Variants in KCNAB1 observed in about 807,000 individuals in gnomAD.
The protein encoded by KCNAB1 is voltage-gated potassium channel subunit beta-1.
A neutral mutation model predicts 64.6 loss-of-function variants in KCNAB1; 35 were observed. That is an observed-to-expected ratio of 0.54 (90% CI 0.41 to 0.72). The LOEUF (loss-of-function observed/expected upper bound fraction) is 0.72, where lower values mean the gene tolerates loss of function less well. KCNAB1 is among the 30% of genes least tolerant of loss of function. KCNAB1 has a pLI of 0.00. For missense variants in KCNAB1, 401 were observed against 512.9 expected (o/e 0.78, Z 2.11); for synonymous variants, 177 against 183.8 (o/e 0.96, Z 0.30).
intron 2 of KCNAB1, among the ~76,000 whole-genome samples, chr3:156,450,913 T>C (rs561385582): frequency 4.0e-5 from 6 of 150,106 alleles, no homozygotes; most frequent in African/African-American, 1.2e-4. Flanking sequence ...ATAATAATTG[T>C]TTTTTAGGAG....
intron 1 of KCNAB1, among the ~76,000 whole-genome samples, chr3:156,372,153 C>A (rs189535157): frequency 2.4e-4 from 37 of 152,244 alleles, no homozygotes; most frequent in Non-Finnish European, 1.5e-5. Flanking sequence ...AGATTGGATA[C>A]AACATACTGT....
Position 156,479,787 on chromosome 3 carries a change from C to G in KCNAB1, c.658+4967C>G, listed in dbSNP as rs78873140. On this transcript the variant is annotated intron_variant, in intron 8 of 13. Coordinates refer to ENST00000490337, the MANE Select transcript of KCNAB1 (RefSeq NM_172160.3). ...CCAGTTATTAATTTTTTCCTGCCAG[C>G]AGATCAGCACAGACATAAAGCAGCC... Among the ~76,000 whole-genome samples, 213 of 152,168 alleles carry G rather than the reference C, an allele frequency of 1.4e-3. 1 individual carries two copies. Among genetic ancestry groups the G allele is most frequent in the Middle Eastern group, 6.8e-3 (2 of 294 alleles).
intron 1 of KCNAB1, among the ~76,000 whole-genome samples, chr3:156,123,808 G>A (rs1302486747): frequency 6.6e-6 from 1 of 152,084 alleles, no homozygotes; most frequent in African/African-American, 2.4e-5. Context: ...CTGTGGGCAT[G>A]TTTTTTAAAA....
chr3:156,145,361 G>A (rs1167857126), intron 1 of KCNAB1, among the ~76,000 whole-genome samples: 1 of 152,138 alleles, frequency 6.6e-6, no homozygotes, highest in Admixed American at 6.5e-5. Context: ...TTAGTGCTCT[G>A]TTTATTCTCC....
upstream of KCNAB1, chr3:156,120,465 C>G (rs1306769513): frequency 7.7e-6 from 7 of 907,464 alleles, no homozygotes; most frequent in Non-Finnish European, 1.2e-5. Context: ...TCCCAAGCCA[C>G]AGACTGGGCT....
intron 2 of KCNAB1, among the ~76,000 whole-genome samples, chr3:156,428,070 G>A (rs1023093239): frequency 1.3e-5 from 2 of 152,176 alleles, no homozygotes; most frequent in Admixed American, 6.5e-5. Flanking sequence ...TTAATTTGAT[G>A]TGTCAACTTG....
chr3:156,452,853 T>C lies in KCNAB1; in HGVS notation c.320-46T>C. ...GAATTTCCCTTATTACGCACAATAT[T>C]AGAAAAATGATGATGAATAATATGC... is the stretch of plus-strand genomic sequence containing the variant. On this transcript the variant is annotated intron_variant, in intron 2 of 13. Coordinates refer to ENST00000490337, the MANE Select transcript of KCNAB1 (RefSeq NM_172160.3). This position sits in a 1 kb window ranked among gnomAD's most constrained non-coding sequence, Gnocchi z 4.6. 7.0e-7 allele frequency: 1 copy of C among 1,429,232 alleles called. No individual in the cohort carries two copies. Among genetic ancestry groups the C allele is most frequent in the East Asian group, 2.3e-5 (1 of 43,468 alleles). The allele number at this position is 1,429,232 out of a possible 1,614,324, so 88.5% of individuals were successfully genotyped here.
intron 10 of KCNAB1, 24 bp from the exon 11 acceptor site, chr3:156,516,246 C>G: frequency 4.4e-6 from 7 of 1,585,520 alleles, no homozygotes; most frequent in Non-Finnish European, 6.1e-6. Flanking sequence ...GCACAAGCAA[C>G]TTTCTAAGTT....
rs74419965 is a variant in KCNAB1, at chr3:156,533,994, A to T, written c.1170+2497A>T. ...CCTCCCTAGCAAGGCTTTGGCTGGC[A>T]GCAGGATGAGGCTTTGCCTATCCTA... On this transcript the variant is annotated intron_variant, in intron 13 of 13. Transcript: ENST00000490337. 5.1e-3 allele frequency among the ~76,000 whole-genome samples: 782 copies of T among 152,350 alleles called. 7 individuals carry two copies. The highest frequency in any genetic ancestry group is 0.018 in the African/African-American group (740 of 41,582).
At chr3:156,273,057 T>A (rs1191077742) in intron 1 of KCNAB1, among the ~76,000 whole-genome samples, 2 of 151,472 alleles carry the variant, frequency 1.3e-5, no homozygotes, top group Admixed American at 6.6e-5. Flanking sequence ...CTGCCCTATC[T>A]ACCATGGCCG....
intron 1 of KCNAB1, among the ~76,000 whole-genome samples, chr3:156,224,206 G>A (rs948009588): frequency 6.6e-6 from 1 of 152,252 alleles, no homozygotes; most frequent in African/African-American, 2.4e-5. Flanking sequence ...GGGCCAGCCA[G>A]CCGGCCGCTC....
intron 1 of KCNAB1, among the ~76,000 whole-genome samples, chr3:156,234,042 G>A (rs1244719649): frequency 6.6e-6 from 1 of 151,936 alleles, no homozygotes; most frequent in Non-Finnish European, 1.5e-5. Context: ...AAATGAGGGA[G>A]GCATCAGCTC....
chr3:156,393,545 A>G (rs553101160), intron 1 of KCNAB1, among the ~76,000 whole-genome samples: 23 of 152,280 alleles, frequency 1.5e-4, no homozygotes, highest in African/African-American at 5.5e-4. Flanking sequence ...TATAATGATT[A>G]TATCAAGTCA....
Position 156,463,656 on chromosome 3 carries a change from C to T in KCNAB1, c.483-46C>T, listed in dbSNP as rs762249317. The T allele has an allele frequency of 9.1e-6, 13 of 1,425,324 alleles. No individual in the cohort carries two copies. In the South Asian group the frequency reaches 1.3e-4, roughly 15 times the overall value. The allele number at this position is 1,425,324 out of a possible 1,614,324, so 88.3% of individuals were successfully genotyped here. ...TAATAATATGACTCGGTACAATAACCTGCATTTATTTACTACTTCTCTGTG... is the reference window on the plus strand; with the variant it reads ...TAATAATATGACTCGGTACAATAACTTGCATTTATTTACTACTTCTCTGTG... On this transcript the variant is annotated intron_variant, in intron 5 of 13. Coordinates refer to ENST00000490337, the MANE Select transcript of KCNAB1 (RefSeq NM_172160.3).
intron 1 of KCNAB1, among the ~76,000 whole-genome samples, chr3:156,272,285 T>C (rs994243178): frequency 6.6e-6 from 1 of 152,194 alleles, no homozygotes; most frequent in African/African-American, 2.4e-5. Context: ...TGTCCTTCCT[T>C]TCAGGGTGGT....
intron 1 of KCNAB1, among the ~76,000 whole-genome samples, chr3:156,132,064 G>A (rs947442827): frequency 1.3e-5 from 2 of 152,190 alleles, no homozygotes; most frequent in Non-Finnish European, 2.9e-5. Flanking sequence ...AAGAGAAGTG[G>A]GCATGGTGAA....
intron 8 of KCNAB1, among the ~76,000 whole-genome samples, chr3:156,495,773 G>T (rs1420250655): frequency 6.6e-6 from 1 of 152,094 alleles, no homozygotes; most frequent in Non-Finnish European, 1.5e-5. Context: ...AAAGTGTTTA[G>T]AACATTGCTA....
At chr3:156,118,452 T>C (rs2108246569), upstream of KCNAB1, 1 of 325,808 alleles carries the variant, frequency 3.1e-6, no homozygotes, top group South Asian at 2.6e-5. Flanking sequence ...CGTTTTACAT[T>C]GAAGTAGTGT....
At chr3:156,424,571 T>A (rs1715693145) in intron 2 of KCNAB1, among the ~76,000 whole-genome samples, 1 of 152,128 alleles carries the variant, frequency 6.6e-6, no homozygotes, top group Non-Finnish European at 1.5e-5. Context: ...GAACTACCTA[T>A]TAATGTAAAG....
Sources: allele counts gnomAD v4.1 joint callset (sites outside exome capture counted in the v4.1 genomes callset), GRCh38; gene constraint gnomAD v4.1.1; non-coding constraint Gnocchi (gnomAD v3.1); transcripts MANE v1.5; gene names NCBI Gene and HGNC (gene_info 2026-07-23, HGNC 2026-07-21).